The following NTNG1 variants were observed in gnomAD, a reference collection of about 807,000 sequenced individuals.
NTNG1 encodes netrin G1.
In NTNG1, 16 loss-of-function variants were observed where a neutral mutation model predicts 54.0. The observed-to-expected ratio is 0.30, with a 90% CI of 0.20 to 0.45. NTNG1 has a LOEUF of 0.45. Ranked by LOEUF, NTNG1 falls within the 20% of genes least tolerant of loss-of-function variation. The pLI is 1.00. For missense variants in NTNG1, 530 were observed against 678.7 expected, an observed-to-expected ratio of 0.78 and a Z score of 2.43; for synonymous variants, 255 against 263.1, an observed-to-expected ratio of 0.97 and a Z score of 0.30.
intron 3 of NTNG1, among the ~76,000 whole-genome samples, chr1:107,369,865 G>A (rs567323256): frequency 3.9e-5 from 6 of 151,990 alleles, no homozygotes; most frequent in African/African-American, 9.6e-5. Context: ...ACAGTTTTAG[G>A]TTTCATATTT....
At chr1:107,455,753 T>C (rs1024755072) in intron 7 of NTNG1, 9 of 356,278 alleles carry the variant, frequency 2.5e-5, no homozygotes, top group African/African-American at 1.8e-4. Context: ...CATGCTGTCG[T>C]GTCAGTGCTA....
chr1:107,384,733 C>A (rs1240747670), intron 3 of NTNG1, among the ~76,000 whole-genome samples: 1 of 152,158 alleles, frequency 6.6e-6, no homozygotes, highest in Non-Finnish European at 1.5e-5. Context: ...GAGAGGCTGC[C>A]TAGAGCCCTA....
intron 2 of NTNG1, among the ~76,000 whole-genome samples, chr1:107,216,971 C>T (rs113170455): frequency 5.3e-5 from 8 of 152,068 alleles, no homozygotes; most frequent in African/African-American, 1.9e-4. Context: ...GCCACCACAC[C>T]CAGCAGATTC....
intron 7 of NTNG1, among the ~76,000 whole-genome samples, chr1:107,447,753 C>T (rs554414137): frequency 1.4e-3 from 217 of 152,130 alleles, no homozygotes; most frequent in African/African-American, 5.0e-3. Context: ...CTACAGAAAA[C>T]TATGCCTTCG....
At chr1:107,155,396 G>A (rs997961499) in intron 2 of NTNG1, among the ~76,000 whole-genome samples, 3 of 151,800 alleles carry the variant, frequency 2.0e-5, no homozygotes, top group Admixed American at 6.6e-5. Flanking sequence ...TCATTCTCTT[G>A]ACTTTTTAAC....
intron 3 of NTNG1, among the ~76,000 whole-genome samples, chr1:107,377,083 T>C (rs1378867538): frequency 6.6e-6 from 1 of 152,242 alleles, no homozygotes; most frequent in Non-Finnish European, 1.5e-5. Flanking sequence ...CTGGCTTACA[T>C]GGGGCCAGTT....
intron 2 of NTNG1, among the ~76,000 whole-genome samples, chr1:107,217,613 T>C (rs1002234389): frequency 5.3e-5 from 8 of 152,210 alleles, no homozygotes; most frequent in East Asian, 1.9e-4. Context: ...CTCTTAGCAC[T>C]GACCTTGCTA....
At chr1:107,327,961 C>T (rs528777230) in intron 3 of NTNG1, among the ~76,000 whole-genome samples, 5 of 152,152 alleles carry the variant, frequency 3.3e-5, no homozygotes, top group African/African-American at 1.2e-4. Flanking sequence ...TGACATTAGA[C>T]TAATGTAGCA....
chr1:107,153,231 T>A (rs10494060), intron 2 of NTNG1, among the ~76,000 whole-genome samples: 7,375 of 152,236 alleles, frequency 0.048, 579 homozygotes, highest in African/African-American at 0.17. Context: ...ATCTATAATT[T>A]CAAGTTCTGA....
intron 2 of NTNG1, among the ~76,000 whole-genome samples, chr1:107,209,596 C>T (rs1303444535): frequency 2.0e-5 from 3 of 152,130 alleles, no homozygotes; most frequent in Non-Finnish European, 2.9e-5. Context: ...ATAATTGCGC[C>T]TCATCCTCCC....
intron 7 of NTNG1, among the ~76,000 whole-genome samples, chr1:107,476,858 T>C (rs1008312442): frequency 4.6e-5 from 7 of 152,332 alleles, no homozygotes; most frequent in African/African-American, 1.7e-4. Flanking sequence ...TGTGCATCCA[T>C]CATTCCAGCC....
rs1654301884 is a variant in NTNG1, at chr1:107,148,471, A to G, written c.-123A>G. ...GTCCCATCTTCATTTAAAAAAAAAT[A>G]CAGAGACCTACCTACCCGTACGCAT... is the stretch of plus-strand genomic sequence containing the variant. On this transcript the variant is annotated 5_prime_UTR_variant, in exon 2 of 8. The change creates a new upstream start codon in the 5' untranslated region. Coordinates refer to ENST00000370068, the MANE Select transcript of NTNG1 (RefSeq NM_001113226.3). The G allele has an allele frequency of 5.6e-6, 5 of 889,684 alleles. No homozygotes were observed. In the Admixed American group the frequency reaches 7.1e-5, roughly 13 times the overall value. 55.1% of individuals were successfully genotyped at this position (889,684 alleles called of 1,614,324 possible).
At chr1:107,316,704 C>G (rs529349090) in intron 2 of NTNG1, among the ~76,000 whole-genome samples, 1 of 152,302 alleles carries the variant, frequency 6.6e-6, no homozygotes, top group South Asian at 2.1e-4. Flanking sequence ...AGTTTACCCT[C>G]AAGGACACCT....
At chr1:107,158,624 C>G (rs1164983145) in intron 2 of NTNG1, among the ~76,000 whole-genome samples, 1 of 152,082 alleles carries the variant, frequency 6.6e-6, no homozygotes, top group African/African-American at 2.4e-5. Flanking sequence ...TCCTGTTGCT[C>G]CCTTTCCTTC....
At chr1:107,196,982 G>T (rs577501626) in intron 2 of NTNG1, among the ~76,000 whole-genome samples, 26 of 151,718 alleles carry the variant, frequency 1.7e-4, no homozygotes, top group African/African-American at 5.8e-4. Flanking sequence ...TGGGGTTAGG[G>T]TTACCAAATA....
intron 3 of NTNG1, among the ~76,000 whole-genome samples, chr1:107,341,268 C>T (rs772036641): frequency 7.9e-5 from 12 of 151,912 alleles, no homozygotes; most frequent in South Asian, 4.1e-4. Context: ...ATTGATGGAC[C>T]GAGTTTATAT....
chr1:107,202,857 CAA>C (rs972804675), intron 2 of NTNG1, among the ~76,000 whole-genome samples: 2 of 151,858 alleles, frequency 1.3e-5, no homozygotes, highest in African/African-American at 4.8e-5. Context: ...TTTTCTGTCT[CAA>C]AAGTTTTCCC....
chr1:107,151,371 G>A (rs1259172448), intron 2 of NTNG1, among the ~76,000 whole-genome samples: 1 of 152,110 alleles, frequency 6.6e-6, no homozygotes. Context: ...AGCCCAGGGT[G>A]TAATGGGGAT....
chr1:107,215,859 T>G (rs1252755867), intron 2 of NTNG1, among the ~76,000 whole-genome samples: 2 of 152,106 alleles, frequency 1.3e-5, no homozygotes, highest in Non-Finnish European at 2.9e-5. Context: ...TCTTTTTACC[T>G]CCTTGGTTAA....
Sources: gnomAD v4.1 joint callset for allele counts (sites outside exome capture counted in the v4.1 genomes callset) on GRCh38, gnomAD v4.1.1 for gene constraint, MANE v1.5 for transcripts, NCBI Gene and HGNC (gene_info 2026-07-23, HGNC 2026-07-21) for gene names.